Variants in NLRP1 observed in about 807,000 individuals in gnomAD.
NLRP1 encodes the protein NACHT, LRR and PYD domains-containing protein 1.
Under a neutral mutation model 136.7 loss-of-function variants are expected in NLRP1, and 94 were observed. The observed-to-expected ratio is 0.69, with a 90% confidence interval of 0.58 to 0.82. The LOEUF (loss-of-function observed/expected upper bound fraction) is 0.82, where lower values mean the gene tolerates loss of function less well. Ranked by LOEUF, NLRP1 falls within the 40% of genes least tolerant of loss-of-function variation. The pLI, the probability that NLRP1 is intolerant of heterozygous loss-of-function variation, is 0.00. For synonymous variants in NLRP1, 690 were observed against 725.1 expected (o/e 0.95, Z 0.78); for missense variants, 1,575 against 1,802.7 (o/e 0.87, Z 2.29).
chr17:5,584,132 TGGTAGGA>T lies in NLRP1; in HGVS notation c.-182_-176del, dbSNP rs537038566. The T allele has an allele frequency of 4.8e-4, 314 of 655,426 alleles. 2 individuals carry two copies. The East Asian group carries it at 7.3e-3, about 15-fold the overall frequency. The allele number at this position is 655,426 out of a possible 1,614,324, so 40.6% of individuals were successfully genotyped here. A position where few individuals can be genotyped will look rare whatever the true frequency, so the allele number is the denominator to read the frequency against. ...CAGATAGACGCCGATAGAGGGGGAG[TGGTAGGA>T]AAAGCCAGGGGAGGGAGGAGCCCAG... On this transcript the variant is annotated 5_prime_UTR_variant, in exon 1 of 17. Transcript: ENST00000572272.
intron 3 of NLRP1, among the ~76,000 whole-genome samples, chr17:5,569,534 C>T (rs1374004604): frequency 6.6e-6 from 1 of 152,090 alleles, no homozygotes; most frequent in East Asian, 1.9e-4. Context: ...AGAAAGGCAT[C>T]ACATAATAAT....
At chr17:5,527,689 T>G (rs1054600276) in intron 12 of NLRP1, among the ~76,000 whole-genome samples, 2 of 152,228 alleles carry the variant, frequency 1.3e-5, no homozygotes. Flanking sequence ...GGATGCTCAG[T>G]TATTGTTCAC....
rs564393528 is a variant in NLRP1, at chr17:5,534,478, C to A, written c.2961-490G>T. 7.9e-5 allele frequency among the ~76,000 whole-genome samples: 12 copies of A among 152,312 alleles called. No individual in the cohort carries two copies. The South Asian group carries it at 1.2e-3, about 16-fold the overall frequency. On this transcript the variant is annotated intron_variant, in intron 8 of 16. Transcript: ENST00000572272. ...GCCTCCATCCACCCATGCATCCAGG[C>A]TAGAGCTGGGGTGTCATCCCAACTC...
intron 3 of NLRP1, among the ~76,000 whole-genome samples, chr17:5,570,512 C>T (rs929214679): frequency 4.6e-5 from 7 of 151,784 alleles, no homozygotes; most frequent in Non-Finnish European, 8.8e-5. Context: ...GAAAAACCTA[C>T]AAGAAATAAA....
In NLRP1 at chr17:5,530,540, A is replaced by G; in HGVS notation, c.3461T>C (p.Ile1154Thr). The G allele has an allele frequency of 6.2e-7, 1 of 1,614,216 alleles. No homozygotes were observed. Among genetic ancestry groups the G allele is most frequent in the Non-Finnish European group, 8.5e-7 (1 of 1,180,042 alleles). ...SWMVAGPLLD[I>T]KAEPGAVEAV... The stretch of plus-strand genomic sequence containing the variant: ...TTCCACAGCTCCAGGCTCAGCCTTG[A>G]TGTCCAGCAGAGGCCCTGCCACCAT... Residue 1154 changes from isoleucine to threonine, a missense_variant, in exon 12 of 17, where the codon ATC becomes ACC. Transcript: ENST00000572272.
intron 12 of NLRP1, among the ~76,000 whole-genome samples, chr17:5,523,988 A>G (rs1211655129): frequency 1.3e-5 from 2 of 152,144 alleles, no homozygotes; most frequent in Non-Finnish European, 2.9e-5. Flanking sequence ...CAGTGGTGTG[A>G]TCTTGGCTCA....
In NLRP1 at chr17:5,517,909, T is replaced by C. The variant is rs551457068; in HGVS notation, c.3916-22A>G. 88 of 1,613,172 alleles carry C rather than the reference T, an allele frequency of 5.5e-5. No individual in the cohort carries two copies. The South Asian group carries it at 8.9e-4, about 16-fold the overall frequency. ...GTTCCTGAAGAGGCAAAGAGTTGAGTTGCCACCCTGTTCATCTTGCATGGA... is the reference window on the plus strand; with the variant it reads ...GTTCCTGAAGAGGCAAAGAGTTGAGCTGCCACCCTGTTCATCTTGCATGGA... On this transcript the variant is annotated intron_variant, in intron 14 of 16. Coordinates refer to ENST00000572272, the MANE Select transcript of NLRP1 (RefSeq NM_033004.4).
In NLRP1 at chr17:5,559,675, A is replaced by T; in HGVS notation, c.1021T>A (p.Ser341Thr). The change falls in exon 4 of 17, where the codon TCA becomes ACA. Residue 341 changes from serine (S) to threonine (T), a missense_variant. Coordinates refer to ENST00000572272, the MANE Select transcript of NLRP1 (RefSeq NM_033004.4). ...ILQGAAGIGK[S>T]TLARQVKEAW... is the part of the protein sequence containing the mutation. The stretch of plus-strand genomic sequence containing the variant: ...TCCTTCACCTGCCTGGCCAGTGTTG[A>T]CTTCCCAATTCCAGCAGCCCCCTGC... The T allele has an allele frequency of 6.2e-7, 1 of 1,614,198 alleles. No individual in the cohort carries two copies.
intron 3 of NLRP1, among the ~76,000 whole-genome samples, chr17:5,573,331 G>C (rs978993470): frequency 1.6e-4 from 24 of 152,310 alleles, no homozygotes; most frequent in African/African-American, 5.5e-4. Flanking sequence ...GCTTGAACTG[G>C]GTGGAGCCCA....
At position 5,521,492 on chromosome 17, in the gene NLRP1, C is replaced by G; in HGVS notation, c.3783+32G>C. ...CATTTTGTGTTTACCGTCAACCCAC[C>G]GTGGCCCAGCCTTTCTGGCTCTTAG... On this transcript the variant is annotated intron_variant, in intron 13 of 16. Coordinates refer to ENST00000572272, the MANE Select transcript of NLRP1 (RefSeq NM_033004.4). 7 of 1,601,212 alleles carry G rather than the reference C, an allele frequency of 4.4e-6. 1 individual carries two copies. Among genetic ancestry groups the G allele is most frequent in the South Asian group, 2.2e-5 (2 of 89,714 alleles).
intron 5 of NLRP1, among the ~76,000 whole-genome samples, chr17:5,545,042 ATC>A (rs1363024133): frequency 6.6e-6 from 1 of 151,960 alleles, no homozygotes; most frequent in Non-Finnish European, 1.5e-5. Context: ...CTCTCCAAAA[ATC>A]TCTGTCTTTC....
chr17:5,583,798 C>A lies in NLRP1; in HGVS notation c.160G>T (p.Ala54Ser). Residue 54 changes from alanine to serine, a missense_variant, in exon 1 of 17, where the codon GCC becomes TCC. Coordinates refer to ENST00000572272, the MANE Select transcript of NLRP1 (RefSeq NM_033004.4). The surrounding 1 kb of genome is among the most constrained non-coding windows in gnomAD (Gnocchi z 4.5). The part of the protein sequence containing the change: ...QPEKTSGMEV[A>S]SYLVAQYGEQ... Reference sequence around the variant, plus strand: ...CCATACTGAGCCACCAGGTACGAGGCCACCTCCATGCCACTCGTCTTCTCT... The same window carrying A: ...CCATACTGAGCCACCAGGTACGAGGACACCTCCATGCCACTCGTCTTCTCT... 6.4e-7 allele frequency: 1 copy of A among 1,557,400 alleles called. No individual in the cohort carries two copies. The highest frequency in any genetic ancestry group is 8.7e-7 in the Non-Finnish European group (1 of 1,149,774).
intron 3 of NLRP1, among the ~76,000 whole-genome samples, chr17:5,564,045 T>C (rs1341622304): frequency 6.6e-6 from 1 of 152,200 alleles, no homozygotes; most frequent in East Asian, 1.9e-4. Flanking sequence ...TTTTAAAATT[T>C]TAAAATTATT....
Position 5,583,524 on chromosome 17 carries a change from C to T in NLRP1, c.271+163G>A, listed in dbSNP as rs1905941935. On this transcript the variant is annotated intron_variant, in intron 1 of 16. Coordinates refer to ENST00000572272, the MANE Select transcript of NLRP1 (RefSeq NM_033004.4). The surrounding 1 kb of genome is among the most constrained non-coding windows in gnomAD (Gnocchi z 4.5). ...GCCCCCCCAGCAAGCCTCCTGGCTC[C>T]AGCATAGTCTGGGGCCTGGATCCCC... Among the ~76,000 whole-genome samples, 1 of 152,176 alleles carries T rather than the reference C, an allele frequency of 6.6e-6. No individual in the cohort carries two copies. The highest frequency in any genetic ancestry group is 2.1e-4 in the South Asian group (1 of 4,822).
intron 3 of NLRP1, among the ~76,000 whole-genome samples, chr17:5,566,981 G>C (rs1222190227): frequency 6.6e-6 from 1 of 151,932 alleles, no homozygotes; most frequent in African/African-American, 2.4e-5. Context: ...CAAGTATAGT[G>C]ACTTCTGCTC....
chr17:5,520,327 C>G (rs763653428), intron 14 of NLRP1, among the ~76,000 whole-genome samples: 1 of 152,100 alleles, frequency 6.6e-6, no homozygotes, highest in African/African-American at 2.4e-5. Flanking sequence ...CATCTGGAGG[C>G]GTCAAGCTTG....
Position 5,583,652 on chromosome 17 carries a change from T to C in NLRP1, c.271+35A>G. ...CAGGGCAGGCATGAGGGCCAGGGGA[T>C]GTCCCGCGGGCAGTGGGGTCCTCTG... On this transcript the variant is annotated intron_variant, in intron 1 of 16. Transcript: ENST00000572272. The surrounding 1 kb of genome is among the most constrained non-coding windows in gnomAD (Gnocchi z 4.5). 6.5e-7 allele frequency: 1 copy of C among 1,539,450 alleles called. No homozygotes were observed. Among genetic ancestry groups the C allele is most frequent in the Non-Finnish European group, 8.8e-7 (1 of 1,140,116 alleles).
intron 15 of NLRP1, among the ~76,000 whole-genome samples, chr17:5,515,899 C>T (rs1908042140): frequency 6.6e-6 from 1 of 152,194 alleles, no homozygotes; most frequent in South Asian, 2.1e-4. Flanking sequence ...CTTGTCTGAG[C>T]AGAAATCTAC....
chr17:5,513,391 T>C (rs563142142), downstream of NLRP1, among the ~76,000 whole-genome samples: 1 of 152,366 alleles, frequency 6.6e-6, no homozygotes, highest in Non-Finnish European at 1.5e-5. Flanking sequence ...CATGCTTGGC[T>C]TTGATCTCTT....
Sources: gnomAD v4.1 joint callset for allele counts (sites outside exome capture counted in the v4.1 genomes callset) on GRCh38, gnomAD v4.1.1 for gene constraint, Gnocchi (gnomAD v3.1) non-coding constraint, MANE v1.5 for transcripts, NCBI Gene and HGNC (gene_info 2026-07-23, HGNC 2026-07-21) for gene names.